The following ECD variants were observed in gnomAD, a reference collection of about 807,000 sequenced individuals.
ECD encodes ecdysoneless cell cycle regulator.
ECD carries 59 observed loss-of-function variants against 77.2 expected under a neutral mutation model. That is an observed-to-expected ratio of 0.76 (90% confidence interval 0.62 to 0.95). The LOEUF is 0.95. ECD is among the 40% of genes least tolerant of loss of function. ECD has a pLI of 0.00. For synonymous variants in ECD, 233 were observed against 267.4 expected (o/e 0.87, Z 1.26); for missense variants, 704 against 763.4 (o/e 0.92, Z 0.92).
rs549728029 is a variant in ECD at position 73,152,360 on chromosome 10, C to T, written c.845G>A (p.Arg282Gln). 14 of 1,613,784 alleles carry T rather than the reference C, an allele frequency of 8.7e-6. No individual in the cohort carries two copies. The Admixed American group carries it at 1.0e-4, about 12-fold the overall frequency. The change falls in exon 7 of 14, where the codon CGG becomes CAG. Residue 282 changes from arginine (R) to glutamine (Q), a missense_variant. By Grantham distance (43) the Arg-to-Gln change is conservative (BLOSUM62 1). Coordinates refer to ENST00000372979, the MANE Select transcript of ECD (RefSeq NM_007265.3). ...TGGAGGAGGCAGCCTGTATCCACTC[C>T]GCCGGTCTGGCACAAACCTTTGTTG... ...LVQQRFVPDR[R>Q]SGYRLPPPSD...
Position 73,136,748 on chromosome 10 carries a change from C to T in ECD, c.1660G>A (p.Ala554Thr). ...AAACTTTTGCTGATGCAGGTGTGTG[C>T]TAGTTCCTGGTCCATCTGGGCCATG... is the stretch of plus-strand genomic sequence containing the variant. ...SYMAQMDQEL[A>T]HTCISKSFTT... The change falls in exon 13 of 14, where the codon GCA (alanine) becomes ACA (threonine). Residue 554 changes from alanine to threonine, a missense_variant. Coordinates refer to ENST00000372979, the MANE Select transcript of ECD (RefSeq NM_007265.3). 2 of 1,614,048 alleles carry T rather than the reference C, an allele frequency of 1.2e-6. No individual in the cohort carries two copies. The highest frequency in any genetic ancestry group is 1.7e-6 in the Non-Finnish European group (2 of 1,179,988).
At chr10:73,136,960 T>G (rs1294305684) in intron 12 of ECD, 42 bp from the exon 13 acceptor site, 1 of 822,824 alleles carries the variant, frequency 1.2e-6, no homozygotes, top group East Asian at 3.8e-5. Flanking sequence ...TAGTAATTAT[T>G]ATTATTATTA....
At chr10:73,136,989 A>G in intron 12 of ECD, 71 bp from the exon 13 acceptor site, 1 of 546,614 alleles carries the variant, frequency 1.8e-6, no homozygotes, top group Non-Finnish European at 2.6e-6. Flanking sequence ...ATTATTATTT[A>G]GTTACTACAC....
intron 7 of ECD, among the ~76,000 whole-genome samples, chr10:73,150,765 C>G (rs1314370435): frequency 6.6e-6 from 1 of 152,188 alleles, no homozygotes; most frequent in Non-Finnish European, 1.5e-5. Context: ...CCAAAAGACA[C>G]ATGAAAAAAT....
At chr10:73,138,407 T>A (rs1451300309) in intron 11 of ECD, among the ~76,000 whole-genome samples, 2 of 152,258 alleles carry the variant, frequency 1.3e-5, no homozygotes, top group African/African-American at 4.8e-5. Flanking sequence ...ATAAAGCCTG[T>A]TCTTTTAAGA....
At chr10:73,164,288 G>A (rs1843420949) in intron 1 of ECD, among the ~76,000 whole-genome samples, 1 of 151,272 alleles carries the variant, frequency 6.6e-6, no homozygotes, top group Non-Finnish European at 1.5e-5. Context: ...GGAGGCAGAG[G>A]TTGCAATGAG....
rs751000687 is a variant in ECD, at chr10:73,163,951, C to T, written c.-13-1G>A. 1.2e-6 allele frequency: 2 copies of T among 1,613,154 alleles called. No individual in the cohort carries two copies. Among genetic ancestry groups the T allele is most frequent in the East Asian group, 2.2e-5 (1 of 44,886 alleles). ...GGTTTCTTCCATTCTTCTTTGAAAA[C>T]TATGTTTAAAGTTCCAAAATATAAA... On this transcript the variant is annotated splice_acceptor_variant, in intron 1 of 13. Transcript: ENST00000372979. LOFTEE classifies it low-confidence loss of function (5UTR_SPLICE).
intron 9 of ECD, chr10:73,141,495 G>C (rs923842769): frequency 6.5e-6 from 1 of 152,920 alleles, no homozygotes; most frequent in Non-Finnish European, 1.5e-5. Context: ...CCTGGGCACA[G>C]AGCAAGACTC....
chr10:73,135,577 C>T (rs886295050), intron 13 of ECD, among the ~76,000 whole-genome samples: 2 of 151,880 alleles, frequency 1.3e-5, no homozygotes, highest in Admixed American at 1.3e-4. Context: ...AAAAATTAGC[C>T]AGGCACGGTG....
chr10:73,139,832 A>G, intron 9 of ECD, 95 bp from the exon 10 acceptor site: 1 of 755,150 alleles, frequency 1.3e-6, no homozygotes, highest in Non-Finnish European at 2.0e-6. Context: ...GGGATTAGCT[A>G]GTCTAATTTG....
intron 9 of ECD, among the ~76,000 whole-genome samples, chr10:73,139,943 C>T (rs1843031042): frequency 6.6e-6 from 1 of 151,392 alleles, no homozygotes; most frequent in South Asian, 2.1e-4. Flanking sequence ...TTCATCCTCC[C>T]AAGTAGCCAG....
intron 2 of ECD, among the ~76,000 whole-genome samples, chr10:73,161,259 T>C (rs777052434): frequency 1.3e-5 from 2 of 149,644 alleles, no homozygotes; most frequent in East Asian, 2.0e-4. Flanking sequence ...GAAAAAATAA[T>C]AGAAAAACAA....
In ECD at chr10:73,150,312, G is replaced by C. The variant is rs1397615601; in HGVS notation, c.913-1908C>G. ...TTAATAAATGGTGCTGGGAAAACTG[G>C]CTAGCCATATGTAGAAAGCTGAAAC... is the stretch of plus-strand genomic sequence containing the variant. On this transcript the variant is annotated intron_variant, in intron 7 of 13. Transcript: ENST00000372979. 3.3e-5 allele frequency among the ~76,000 whole-genome samples: 5 copies of C among 152,146 alleles called. No homozygotes were observed. In the East Asian group the frequency reaches 9.6e-4, roughly 29 times the overall value.
chr10:73,134,793 G>A lies in ECD; in HGVS notation c.1725C>T (p.Thr575=), dbSNP rs1346370464. ...AATCTTCCTCATCTGAATTGTTATC[G>A]GTAGTCTGGGATACAGGTTCCTTAT... ...RNQVEPVSQT[T]DNNSDEEDSG... Residue 575 remains threonine, a synonymous_variant, in exon 14 of 14, where the codon ACC becomes ACT. Coordinates refer to ENST00000372979, the MANE Select transcript of ECD (RefSeq NM_007265.3). 6.2e-6 allele frequency: 10 copies of A among 1,614,082 alleles called. No homozygotes were observed. Among genetic ancestry groups the A allele is most frequent in the Middle Eastern group, 1.6e-4 (1 of 6,062 alleles).
intron 7 of ECD, among the ~76,000 whole-genome samples, chr10:73,150,546 C>T (rs1447562307): frequency 1.3e-5 from 2 of 152,144 alleles, no homozygotes; most frequent in African/African-American, 2.4e-5. Flanking sequence ...AACTCAAGAG[C>T]TTCTGCACAG....
Position 73,139,423 on chromosome 10 carries a change from G to T in ECD, c.1307C>A (p.Ser436Tyr). The part of the protein sequence containing the change: ...LLQEAVGKKE[S>Y]ESVSKEEKEQ... ...CTTCTCCTCCTTGGAAACAGACTCGGATTCTTTTTTGCCAACAGCTTCCTG... is the reference window on the plus strand; with the variant it reads ...CTTCTCCTCCTTGGAAACAGACTCGTATTCTTTTTTGCCAACAGCTTCCTG... The change falls in exon 11 of 14, where the codon TCC becomes TAC. Residue 436 changes from serine (S) to tyrosine (Y), a missense_variant. By Grantham distance (144) the Ser-to-Tyr change is moderately radical. This residue lies in a region of ECD where 559 missense variants were observed against 583.7 expected (regional missense o/e 0.96). Coordinates refer to ENST00000372979, the MANE Select transcript of ECD (RefSeq NM_007265.3). The T allele has an allele frequency of 6.2e-7, 1 of 1,614,146 alleles. No homozygotes were observed. The highest frequency in any genetic ancestry group is 8.5e-7 in the Non-Finnish European group (1 of 1,180,040).
intron 13 of ECD, among the ~76,000 whole-genome samples, chr10:73,135,443 G>A (rs1474252607): frequency 6.6e-6 from 1 of 152,178 alleles, no homozygotes; most frequent in East Asian, 1.9e-4. Flanking sequence ...ACTCAGCTGG[G>A]AGTGGTCGCT....
At chr10:73,135,675 C>A (rs777368042) in intron 13 of ECD, among the ~76,000 whole-genome samples, 1 of 151,698 alleles carries the variant, frequency 6.6e-6, no homozygotes, top group Non-Finnish European at 1.5e-5. Flanking sequence ...GAGCCAAGAT[C>A]GTGCCACTGT....
At position 73,138,015 on chromosome 10, in the gene ECD, CA is replaced by C. The variant is rs1564659314; in HGVS notation, c.1476del (p.Phe492LeufsTer5). 6.3e-7 allele frequency: 1 copy of C among 1,595,296 alleles called. No individual in the cohort carries two copies. Among genetic ancestry groups the C allele is most frequent in the Admixed American group, 1.8e-5 (1 of 56,494 alleles). ...CACCACTACTTACCTAAAATCTTAT[CA>C]AAATAATTAAGAAAAGAATCTGCAT... is the stretch of plus-strand genomic sequence containing the variant. Reference protein sequence around the residue: ...TFDADSFLNYFDKILGPRPNE... With the variant: ...TFDADSFLNYXDKILGPRPNE... On this transcript the variant is annotated frameshift_variant, in exon 12 of 14. Transcript: ENST00000372979. LOFTEE classifies it high-confidence loss of function.
Sources: gnomAD v4.1 joint callset for allele counts (sites outside exome capture counted in the v4.1 genomes callset) on GRCh38, gnomAD v4.1.1 for gene constraint, gnomAD v4.1.1 regional missense constraint, MANE v1.5 for transcripts, NCBI Gene and HGNC (gene_info 2026-07-23, HGNC 2026-07-21) for gene names.